Variants in TARDBP observed in about 807,000 individuals in gnomAD.
The protein encoded by TARDBP is TAR DNA binding protein, also known as TAR DNA-binding protein 43.
Under a neutral mutation model 38.3 loss-of-function variants are expected in TARDBP, and 4 were observed. The ratio of observed to expected loss-of-function variants is 0.10; its 90% CI spans 0.05 to 0.24. TARDBP has a LOEUF of 0.24. Among genes scored for constraint, TARDBP ranks in the 10% least tolerant of loss-of-function variants. TARDBP has a pLI of 1.00. For synonymous variants in TARDBP, 184 were observed against 183.8 expected, an observed-to-expected ratio of 1.00 and a Z score of -0.01; for missense variants, 202 against 521.9, an observed-to-expected ratio of 0.39 and a Z score of 5.97.
intron 4 of TARDBP, among the ~76,000 whole-genome samples, chr1:11,019,569 G>T (rs1413034233): frequency 6.6e-6 from 1 of 151,834 alleles, no homozygotes; most frequent in African/African-American, 2.4e-5. Context: ...TTTGCACAAC[G>T]ACTTTTTTTT....
At position 11,014,906 on chromosome 1, in the gene TARDBP, A is replaced by T. The variant is rs555273636; in HGVS notation, c.238+941A>T. Among the ~76,000 whole-genome samples, 6 of 151,796 alleles carry T rather than the reference A, an allele frequency of 4.0e-5. No homozygotes were observed. In the East Asian group the frequency reaches 1.2e-3, roughly 30 times the overall value. ...AGCAGAGATTGTGCCATTGCACTCC[A>T]GCCTGGGCAACAAGAGCGAAACTCC... On this transcript the variant is annotated intron_variant, in intron 2 of 5. Coordinates refer to ENST00000240185, the MANE Select transcript of TARDBP (RefSeq NM_007375.4).
chr1:11,022,240 T>C lies in TARDBP; in HGVS notation c.831T>C (p.Gly277=). 6.2e-7 allele frequency: 1 copy of C among 1,613,908 alleles called. No homozygotes were observed. The highest frequency in any genetic ancestry group is 8.5e-7 in the Non-Finnish European group (1 of 1,179,850). Residue 277 remains glycine (G), a synonymous_variant, in exon 6 of 6, where the codon GGT becomes GGC. Transcript: ENST00000240185. This position sits in a 1 kb window ranked among gnomAD's most constrained non-coding sequence, Gnocchi z 4.5. ...NRQLERSGRF[G]GNPGGFGNQG... ...AGTTAGAAAGAAGTGGAAGATTTGGTGGTAATCCAGGTGGCTTTGGGAATC... is the reference window on the plus strand; with the variant it reads ...AGTTAGAAAGAAGTGGAAGATTTGGCGGTAATCCAGGTGGCTTTGGGAATC...
At chr1:11,019,866 C>CT (rs1288372949) in intron 4 of TARDBP, among the ~76,000 whole-genome samples, 1,853 of 131,242 alleles carry the variant, frequency 0.014, 20 homozygotes, top group African/African-American at 0.027. Context: ...GCACCTGGCC[C>CT]TTTTTTTTTT....
At chr1:11,020,371 T>G (rs1643613518) in intron 4 of TARDBP, 58 bp from the exon 5 acceptor site, 16 of 1,604,890 alleles carry the variant, frequency 1.0e-5, no homozygotes, top group African/African-American at 1.3e-5. Flanking sequence ...TACCTTAATG[T>G]TTTTTTCATT....
chr1:11,012,784 C>G (rs1468039843), intron 1 of TARDBP, 41 bp downstream of exon 1: 2 of 152,362 alleles, frequency 1.3e-5, no homozygotes, highest in East Asian at 1.9e-4. Context: ...CCGTAGGTGC[C>G]TCGGCTTCTG....
At chr1:11,019,541 A>C (rs1209355855) in intron 4 of TARDBP, among the ~76,000 whole-genome samples, 1 of 151,986 alleles carries the variant, frequency 6.6e-6, no homozygotes, top group East Asian at 1.9e-4. Flanking sequence ...AGGCTATGCT[A>C]TCTGGGTTTA....
At position 11,023,529 on chromosome 1, in the gene TARDBP, G is replaced by A; in HGVS notation, c.*875G>A. ...GTGCAGAGACTTGGTGGTGCATAAT[G>A]GATATTTTTTAACTTGGCGAGATGT... is the stretch of plus-strand genomic sequence containing the variant. On this transcript the variant is annotated 3_prime_UTR_variant, in exon 6 of 6. Transcript: ENST00000240185. 1 of 458,012 alleles carries A rather than the reference G, an allele frequency of 2.2e-6. No homozygotes were observed. The allele number at this position is 458,012 out of a possible 1,614,324, so 28.4% of individuals were successfully genotyped here. A position where few individuals can be genotyped will look rare whatever the true frequency, so the allele number is the denominator to read the frequency against.
downstream of TARDBP, chr1:11,029,531 A>G (rs1047978569): frequency 6.6e-6 from 1 of 151,688 alleles, no homozygotes; most frequent in African/African-American, 2.4e-5. Flanking sequence ...GCTTGGGGAA[A>G]TTATTTGCTT....
intron 5 of TARDBP, among the ~76,000 whole-genome samples, chr1:11,021,904 A>C (rs186469664): frequency 6.6e-6 from 1 of 152,376 alleles, no homozygotes; most frequent in East Asian, 1.9e-4. Flanking sequence ...GGCATGAGCC[A>C]CCATGCCCAG....
At chr1:11,027,744 A>G (rs929477641), downstream of TARDBP, 2 of 1,315,064 alleles carry the variant, frequency 1.5e-6, no homozygotes, top group South Asian at 1.5e-5. Flanking sequence ...TTTGATGTCA[A>G]CCAAAAATTA....
chr1:11,012,784 C>T (rs1468039843), intron 1 of TARDBP, 41 bp downstream of exon 1: 2 of 152,362 alleles, frequency 1.3e-5, no homozygotes, highest in African/African-American at 4.8e-5. Flanking sequence ...CCGTAGGTGC[C>T]TCGGCTTCTG....
In TARDBP at chr1:11,022,183, C is replaced by G. The variant is rs763180944; in HGVS notation, c.774C>G (p.Ser258=). The G allele has an allele frequency of 6.2e-6, 10 of 1,613,928 alleles. No homozygotes were observed. The highest frequency in any genetic ancestry group is 8.5e-6 in the Non-Finnish European group (10 of 1,179,870). The stretch of plus-strand genomic sequence containing the variant: ...TTAAAGGAATCAGCGTTCATATATC[C>G]AATGCCGAACCTAAGCACAATAGCA... ...LIIKGISVHI[S]NAEPKHNSNR... is the part of the protein sequence containing the mutation. Residue 258 remains serine, a synonymous_variant, in exon 6 of 6, where the codon TCC becomes TCG. Coordinates refer to ENST00000240185, the MANE Select transcript of TARDBP (RefSeq NM_007375.4). This position sits in a 1 kb window ranked among gnomAD's most constrained non-coding sequence, Gnocchi z 4.5.
rs767002230 is a variant in TARDBP, at chr1:11,022,113, A to G, written c.715-11A>G. On this transcript the variant is annotated splice_polypyrimidine_tract_variant and intron_variant, in intron 5 of 5. Coordinates refer to ENST00000240185, the MANE Select transcript of TARDBP (RefSeq NM_007375.4). This position sits in a 1 kb window ranked among gnomAD's most constrained non-coding sequence, Gnocchi z 4.5. ...TTAATCTTCTTTGTTTACATCCCTT[A>G]TTTCTTATAGATTGCGCAGTCTCTT... The G allele has an allele frequency of 6.2e-6, 10 of 1,613,912 alleles. No homozygotes were observed. Among genetic ancestry groups the G allele is most frequent in the Non-Finnish European group, 8.5e-6 (10 of 1,179,832 alleles).
rs1226858482 is a variant in TARDBP at position 11,013,709 on chromosome 1, T to C, written c.-12-7T>C. 9.5e-6 allele frequency: 15 copies of C among 1,582,598 alleles called. No homozygotes were observed. The highest frequency in any genetic ancestry group is 1.2e-5 in the Non-Finnish European group (14 of 1,158,536). ...ATGTTGTTCATTCATATCTCTTTTC[T>C]CTTTAGGAAAAGTAAAAGATGTCTG... On this transcript the variant is annotated splice_polypyrimidine_tract_variant and splice_region_variant and intron_variant, in intron 1 of 5. Transcript: ENST00000240185.
intron 2 of TARDBP, among the ~76,000 whole-genome samples, chr1:11,016,606 G>A (rs1330994852): frequency 6.6e-6 from 1 of 152,126 alleles, no homozygotes; most frequent in Non-Finnish European, 1.5e-5. Flanking sequence ...ATTGTAATCC[G>A]GAAATGCTAC....
downstream of TARDBP, among the ~76,000 whole-genome samples, chr1:11,028,716 T>G (rs12743634): frequency 0.61 from 78,598 of 128,674 alleles, 26,142 homozygotes; most frequent in Non-Finnish European, 0.76. Context: ...CTTTTTTTTT[T>G]TTTTTTTTTT....
At chr1:11,026,902 T>C (rs371372023), downstream of TARDBP, 18 of 1,482,416 alleles carry the variant, frequency 1.2e-5, no homozygotes, top group Middle Eastern at 1.8e-4. Context: ...TCACTAATTA[T>C]GTTCTCGATC....
At position 11,022,281 on chromosome 1, in the gene TARDBP, A is replaced by G. The variant is rs140046109; in HGVS notation, c.872A>G (p.Asn291Ser). 3.1e-6 allele frequency: 5 copies of G among 1,613,978 alleles called. No individual in the cohort carries two copies. The highest frequency in any genetic ancestry group is 4.2e-6 in the Non-Finnish European group (5 of 1,179,874). The change falls in exon 6 of 6, where the codon AAT (asparagine) becomes AGT (serine). Residue 291 changes from asparagine (N) to serine (S), a missense_variant. Physicochemically the swap from Asn to Ser is conservative, Grantham distance 46. This residue lies in a region of TARDBP where 107 missense variants were observed against 190.5 expected (regional missense o/e 0.56). Coordinates refer to ENST00000240185, the MANE Select transcript of TARDBP (RefSeq NM_007375.4). The surrounding 1 kb of genome is among the most constrained non-coding windows in gnomAD (Gnocchi z 4.5). ...GGFGNQGGFGNSRGGGAGLGN... is the reference protein window; with the variant it reads ...GGFGNQGGFGSSRGGGAGLGN... ...TTTGGGAATCAGGGTGGATTTGGTA[A>G]TAGCAGAGGGGGTGGAGCTGGTTTG...
At chr1:11,017,117 C>CGTCAAA (rs1557656569) in intron 3 of TARDBP, 110 bp downstream of exon 3, 5 of 1,238,916 alleles carry the variant, frequency 4.0e-6, no homozygotes, top group Non-Finnish European at 5.8e-6. Context: ...TAGGTTCTGG[C>CGTCAAA]GTCAAACTCC....
Sources: gnomAD v4.1 joint callset for allele counts (sites outside exome capture counted in the v4.1 genomes callset) on GRCh38, gnomAD v4.1.1 for gene constraint, gnomAD v4.1.1 regional missense constraint, Gnocchi (gnomAD v3.1) non-coding constraint, MANE v1.5 for transcripts, NCBI Gene and HGNC (gene_info 2026-07-23, HGNC 2026-07-21) for gene names.